Variants in DST observed in about 807,000 individuals in gnomAD.
DST encodes bullous pemphigoid antigen.
In DST, 253 loss-of-function variants were observed where a neutral mutation model predicts 875.2. The ratio of observed to expected loss-of-function variants is 0.29; its 90% CI spans 0.26 to 0.32. DST has a LOEUF of 0.32. Among genes scored for constraint, DST ranks in the 10% least tolerant of loss-of-function variants. The pLI is 1.00. For missense variants in DST, 8,287 were observed against 9,111.6 expected (o/e 0.91, Z 3.68); for synonymous variants, 3,124 against 3,197.1 (o/e 0.98, Z 0.77).
At chr6:56,534,247 C>T (rs937983185) in intron 63 of DST, among the ~76,000 whole-genome samples, 4 of 151,922 alleles carry the variant, frequency 2.6e-5, no homozygotes, top group Non-Finnish European at 5.9e-5. Flanking sequence ...TTTAAAATAA[C>T]GTAATTAACA....
chr6:56,849,114 G>A (rs1223566088), intron 4 of DST, among the ~76,000 whole-genome samples: 1 of 147,904 alleles, frequency 6.8e-6, no homozygotes, highest in Non-Finnish European at 1.5e-5. Context: ...ATTTTTTTCT[G>A]CTTTTGAAGA....
intron 53 of DST, among the ~76,000 whole-genome samples, chr6:56,570,324 A>G (rs2097760582): frequency 6.6e-6 from 1 of 152,164 alleles, no homozygotes; most frequent in Non-Finnish European, 1.5e-5. Flanking sequence ...AATATATATT[A>G]AAATAATTAT....
chr6:56,909,685 C>G (rs962809533), intron 2 of DST, among the ~76,000 whole-genome samples: 2 of 152,224 alleles, frequency 1.3e-5, no homozygotes, highest in African/African-American at 4.8e-5. Flanking sequence ...GCCACACCCT[C>G]GGAGTTTCTG....
intron 58 of DST, among the ~76,000 whole-genome samples, chr6:56,559,689 A>G (rs1332678401): frequency 6.6e-6 from 1 of 151,866 alleles, no homozygotes; most frequent in Non-Finnish European, 1.5e-5. Flanking sequence ...CCCCCTTTAC[A>G]CTCATTTTCT....
intron 4 of DST, among the ~76,000 whole-genome samples, chr6:56,839,048 TCAGGGCAC>T (rs1253177109): frequency 2.6e-5 from 4 of 152,300 alleles, no homozygotes; most frequent in African/African-American, 7.2e-5. Flanking sequence ...TCAATTTTGT[TCAGGGCAC>T]TAAATGAAGC....
intron 64 of DST, among the ~76,000 whole-genome samples, chr6:56,530,761 G>C (rs931547748): frequency 2.6e-5 from 4 of 152,124 alleles, no homozygotes; most frequent in Admixed American, 2.0e-4. Flanking sequence ...AAATATCTTT[G>C]GAAATACGTT....
At chr6:56,808,265 A>C (rs77891113) in intron 4 of DST, among the ~76,000 whole-genome samples, 1 of 152,082 alleles carries the variant, frequency 6.6e-6, no homozygotes, top group Non-Finnish European at 1.5e-5. Flanking sequence ...AAAAAAAAAA[A>C]CCAACTGAGA....
chr6:56,812,680 C>G (rs542264061), intron 4 of DST, among the ~76,000 whole-genome samples: 1 of 152,318 alleles, frequency 6.6e-6, no homozygotes, highest in South Asian at 2.1e-4. Context: ...TCTTGAATAT[C>G]AAACCTCACA....
At position 56,660,762 on chromosome 6, in the gene DST, CTTTTT is replaced by C. The variant is rs556714969; in HGVS notation, c.1215-9523_1215-9519del. ...AGGTGCCTGAGTTTTTTCAAACATT[CTTTTT>C]TTTTTTTCTACAAAGTGACTCTCCA... On this transcript the variant is annotated intron_variant, in intron 10 of 103. Coordinates refer to ENST00000680361, the MANE Select transcript of DST (RefSeq NM_001374736.1). Among the ~76,000 whole-genome samples the C allele has an allele frequency of 2.7e-3, 387 of 143,764 alleles. 3 individuals are homozygous for C. Among genetic ancestry groups the C allele is most frequent in the African/African-American group, 9.3e-3 (366 of 39,258 alleles). 94.3% of individuals were successfully genotyped at this position (143,764 alleles called of 152,430 possible).
chr6:56,849,887 T>A (rs1764178964), intron 4 of DST, among the ~76,000 whole-genome samples: 1 of 152,208 alleles, frequency 6.6e-6, no homozygotes, highest in Non-Finnish European at 1.5e-5. Context: ...ATGCCCTAAG[T>A]GGGCCATCAG....
At chr6:56,702,497 T>C (rs2099313629) in intron 7 of DST, among the ~76,000 whole-genome samples, 1 of 152,136 alleles carries the variant, frequency 6.6e-6, no homozygotes, top group Non-Finnish European at 1.5e-5. Context: ...AGAGAAGGTT[T>C]ACTTAGCCAT....
At chr6:56,866,280 G>A (rs761089927) in intron 3 of DST, among the ~76,000 whole-genome samples, 17 of 152,240 alleles carry the variant, frequency 1.1e-4, no homozygotes, top group Non-Finnish European at 2.2e-4. Context: ...TTACAGGCAT[G>A]AGCCACCATG....
chr6:56,683,567 C>T (rs1243039222), intron 9 of DST, among the ~76,000 whole-genome samples: 1 of 152,112 alleles, frequency 6.6e-6, no homozygotes, highest in Non-Finnish European at 1.5e-5. Flanking sequence ...CCATGCTCAA[C>T]GTGACATGGC....
intron 4 of DST, among the ~76,000 whole-genome samples, chr6:56,831,070 A>C (rs764194962): frequency 3.3e-5 from 5 of 152,218 alleles, no homozygotes; most frequent in Non-Finnish European, 5.9e-5. Context: ...TGTTATAAGA[A>C]TCAAATTGTA....
At chr6:56,466,014 G>T in intron 99 of DST, 64 bp downstream of exon 99, 3 of 1,304,734 alleles carry the variant, frequency 2.3e-6, no homozygotes, top group South Asian at 1.3e-5. Flanking sequence ...AGTATGTTTT[G>T]GTGCTGGATA....
At chr6:56,644,500 G>GC (rs2098931036) in intron 15 of DST, among the ~76,000 whole-genome samples, 1 of 152,104 alleles carries the variant, frequency 6.6e-6, no homozygotes, top group East Asian at 1.9e-4. Flanking sequence ...CACTGGCAAC[G>GC]CAAGGGACAG....
intron 13 of DST, among the ~76,000 whole-genome samples, chr6:56,647,205 C>T (rs936016973): frequency 1.3e-5 from 2 of 152,188 alleles, no homozygotes; most frequent in Non-Finnish European, 2.9e-5. Flanking sequence ...TGTTTCAGGA[C>T]GTCTGTTGGT....
chr6:56,822,235 G>C (rs13203148), intron 4 of DST, among the ~76,000 whole-genome samples: 1 of 151,962 alleles, frequency 6.6e-6, no homozygotes, highest in African/African-American at 2.4e-5. Context: ...TAAACAACAC[G>C]CAGCACAGGG....
At chr6:56,732,184 A>G (rs116356251) in intron 5 of DST, among the ~76,000 whole-genome samples, 1,650 of 152,322 alleles carry the variant, frequency 0.011, 27 homozygotes, top group African/African-American at 0.038. Context: ...CTTCTAAGGA[A>G]GCAGCATATG....
Sources: allele counts gnomAD v4.1 joint callset (sites outside exome capture counted in the v4.1 genomes callset), GRCh38; gene constraint gnomAD v4.1.1; transcripts MANE v1.5; gene names NCBI Gene and HGNC (gene_info 2026-07-23, HGNC 2026-07-21).